Variants in TMEM117 observed in about 807,000 individuals in gnomAD.
TMEM117 encodes the protein transmembrane protein 117.
TMEM117 carries 27 observed loss-of-function variants against 52.4 expected under a neutral mutation model. The observed-to-expected ratio is 0.51, with a 90% CI of 0.38 to 0.71. TMEM117 has a LOEUF of 0.71. TMEM117 is among the 30% of genes least tolerant of loss of function. The pLI is 0.00. For missense variants in TMEM117, 556 were observed against 630.5 expected, an observed-to-expected ratio of 0.88 and a Z score of 1.26; for synonymous variants, 215 against 206.3, an observed-to-expected ratio of 1.04 and a Z score of -0.36.
chr12:44,384,745 C>T (rs1054923653), intron 7 of TMEM117, among the ~76,000 whole-genome samples: 4 of 152,046 alleles, frequency 2.6e-5, no homozygotes, highest in African/African-American at 9.7e-5. Flanking sequence ...ATCTTTGTTA[C>T]AATCCTTATG....
intron 4 of TMEM117, among the ~76,000 whole-genome samples, chr12:44,205,146 A>G (rs947042169): frequency 6.6e-6 from 1 of 152,306 alleles, no homozygotes; most frequent in South Asian, 2.1e-4. Context: ...GTGCCCACCC[A>G]AATTTCACCT....
At chr12:43,861,670 A>G (rs1164547732) in intron 2 of TMEM117, among the ~76,000 whole-genome samples, 1 of 152,200 alleles carries the variant, frequency 6.6e-6, no homozygotes, top group Non-Finnish European at 1.5e-5. Flanking sequence ...AAGTCTAGAC[A>G]TATTTTAGCT....
chr12:44,022,417 CTTG>C (rs991540010), intron 3 of TMEM117, among the ~76,000 whole-genome samples: 2 of 152,130 alleles, frequency 1.3e-5, no homozygotes, highest in Non-Finnish European at 2.9e-5. Flanking sequence ...CCTTTTTGAA[CTTG>C]TTGTTTTAAC....
At chr12:44,343,214 A>C (rs1156370384) in intron 6 of TMEM117, among the ~76,000 whole-genome samples, 1 of 152,004 alleles carries the variant, frequency 6.6e-6, no homozygotes, top group Non-Finnish European at 1.5e-5. Context: ...TGGCCTCCCA[A>C]AGTGCTGGGA....
intron 6 of TMEM117, among the ~76,000 whole-genome samples, chr12:44,319,999 T>C (rs1442904570): frequency 2.0e-5 from 3 of 152,192 alleles, no homozygotes; most frequent in African/African-American, 7.2e-5. Context: ...CCCAATAGGC[T>C]AGTCTTTCTC....
chr12:43,824,657 C>T, the TMEM117 span, among the ~76,000 whole-genome samples: 6 of 152,292 alleles, frequency 3.9e-5, no homozygotes, highest in East Asian at 5.8e-4. Flanking sequence ...CCTGTAGGGC[C>T]GGGCGCAGTG....
chr12:44,047,024 C>T (rs992080839), intron 3 of TMEM117, among the ~76,000 whole-genome samples: 1 of 152,030 alleles, frequency 6.6e-6, no homozygotes, highest in Non-Finnish European at 1.5e-5. Flanking sequence ...ATGGTTAATA[C>T]TGAGTATCAA....
chr12:44,292,141 C>T (rs192026502), intron 5 of TMEM117, among the ~76,000 whole-genome samples: 49 of 151,976 alleles, frequency 3.2e-4, no homozygotes, highest in African/African-American at 9.1e-4. Flanking sequence ...GGTTTTTACT[C>T]ATGATCGGTC....
chr12:43,989,826 T>C (rs1382426959), intron 3 of TMEM117, among the ~76,000 whole-genome samples: 3 of 152,128 alleles, frequency 2.0e-5, no homozygotes, highest in Non-Finnish European at 4.4e-5. Flanking sequence ...GAGTAATTGA[T>C]CTTCATTTAA....
the TMEM117 span, among the ~76,000 whole-genome samples, chr12:43,813,228 C>CTTTTTTTTTTT: frequency 9.6e-5 from 7 of 73,182 alleles, no homozygotes; most frequent in Non-Finnish European, 1.4e-4. Context: ...CTGGTTTTCT[C>CTTTTTTTTTTT]TTGTTTTTTT....
chr12:44,153,407 A>AT (rs1009649263), intron 4 of TMEM117, among the ~76,000 whole-genome samples: 2 of 151,366 alleles, frequency 1.3e-5, no homozygotes, highest in Admixed American at 6.6e-5. Flanking sequence ...TTTTGGTTCA[A>AT]TTTTTTTTTC....
chr12:44,147,931 C>CAAAAAA (rs61271123), intron 4 of TMEM117, among the ~76,000 whole-genome samples: 13 of 61,618 alleles, frequency 2.1e-4, no homozygotes, highest in East Asian at 5.1e-4. Flanking sequence ...GACTCTGTCT[C>CAAAAAA]AAAAAAAAAA....
chr12:44,149,582 G>A (rs1450546335), intron 4 of TMEM117, among the ~76,000 whole-genome samples: 2 of 152,022 alleles, frequency 1.3e-5, no homozygotes, highest in Non-Finnish European at 2.9e-5. Context: ...TTAACTGTTT[G>A]TGTTATTTTC....
intron 6 of TMEM117, among the ~76,000 whole-genome samples, chr12:44,349,235 C>A (rs989581152): frequency 6.6e-6 from 1 of 151,788 alleles, no homozygotes; most frequent in African/African-American, 2.4e-5. Flanking sequence ...ATGTTTAATT[C>A]TTTTCTGTGA....
At chr12:44,282,929 T>A (rs1396522980) in intron 5 of TMEM117, among the ~76,000 whole-genome samples, 1 of 152,178 alleles carries the variant, frequency 6.6e-6, no homozygotes, top group Non-Finnish European at 1.5e-5. Context: ...AGGGACTTGG[T>A]GCCCTGTGAC....
At chr12:44,042,835 T>A (rs1478278076) in intron 3 of TMEM117, among the ~76,000 whole-genome samples, 1 of 150,464 alleles carries the variant, frequency 6.6e-6, no homozygotes, top group East Asian at 2.0e-4. Flanking sequence ...CTCTAGGGAA[T>A]CCTGAGTAAT....
At chr12:44,085,831 C>G (rs1240275775) in intron 3 of TMEM117, among the ~76,000 whole-genome samples, 1 of 152,000 alleles carries the variant, frequency 6.6e-6, no homozygotes, top group African/African-American at 2.4e-5. Flanking sequence ...TCTCTTTGGG[C>G]TCCTTCTTTA....
chr12:44,213,985 C>T (rs527684301), intron 5 of TMEM117, among the ~76,000 whole-genome samples: 1 of 152,096 alleles, frequency 6.6e-6, no homozygotes, highest in Admixed American at 6.6e-5. Flanking sequence ...CAAGGGTAAG[C>T]CATGTATTCT....
At chr12:43,920,521 T>C (rs1944675038) in intron 2 of TMEM117, among the ~76,000 whole-genome samples, 1 of 151,104 alleles carries the variant, frequency 6.6e-6, no homozygotes, top group Non-Finnish European at 1.5e-5. Context: ...AAATGACTTT[T>C]TGTCATACCA....
Sources: allele counts gnomAD v4.1 joint callset (sites outside exome capture counted in the v4.1 genomes callset), GRCh38; gene constraint gnomAD v4.1.1; transcripts MANE v1.5; gene names NCBI Gene and HGNC (gene_info 2026-07-23, HGNC 2026-07-21).